Variants in SGCZ observed in about 807,000 individuals in gnomAD.
SGCZ encodes the protein zeta-sarcoglycan.
SGCZ carries 40 observed loss-of-function variants against 41.3 expected under a neutral mutation model. The ratio of observed to expected loss-of-function variants is 0.97; its 90% CI spans 0.75 to 1.26. The LOEUF is 1.26. Ranked by LOEUF, SGCZ falls within the 50% of genes most tolerant of loss-of-function variation. The pLI, the probability that SGCZ is intolerant of heterozygous loss-of-function variation, is 0.00. For synonymous variants in SGCZ, 206 were observed against 137.5 expected, an observed-to-expected ratio of 1.50 and a Z score of -3.49; for missense variants, 552 against 369.8, an observed-to-expected ratio of 1.49 and a Z score of -4.04.
chr8:14,594,356 C>A (rs571981535), intron 1 of SGCZ, among the ~76,000 whole-genome samples: 74 of 151,934 alleles, frequency 4.9e-4, no homozygotes, highest in Non-Finnish European at 8.5e-4. Context: ...TTAGGAAACA[C>A]TGATGTAGCA....
intron 3 of SGCZ, among the ~76,000 whole-genome samples, chr8:14,239,939 A>G (rs901455417): frequency 7.4e-6 from 1 of 134,564 alleles, no homozygotes. Context: ...AAAAAAAAGA[A>G]TTACTGCCTT....
intron 1 of SGCZ, among the ~76,000 whole-genome samples, chr8:14,668,487 A>G (rs1161909384): frequency 6.6e-6 from 1 of 152,206 alleles, no homozygotes; most frequent in African/African-American, 2.4e-5. Context: ...TCTAAATGAA[A>G]TTTAAAACCT....
intron 2 of SGCZ, among the ~76,000 whole-genome samples, chr8:14,415,022 G>T (rs544699532): frequency 6.6e-6 from 1 of 151,832 alleles, no homozygotes; most frequent in African/African-American, 2.4e-5. Context: ...TGAGGTGCTC[G>T]AAGATTTTAC....
intron 1 of SGCZ, among the ~76,000 whole-genome samples, chr8:14,803,661 C>A (rs1440622373): frequency 1.3e-5 from 2 of 151,300 alleles, no homozygotes; most frequent in Non-Finnish European, 1.5e-5. Context: ...GAGGGGCGCC[C>A]GCCATTGCCC....
chr8:14,098,746 G>C (rs1801921912), intron 7 of SGCZ, among the ~76,000 whole-genome samples: 1 of 152,120 alleles, frequency 6.6e-6, no homozygotes, highest in Non-Finnish European at 1.5e-5. Context: ...ATGGAGATGT[G>C]GAGAAGAGGG....
At chr8:14,603,069 G>C (rs916270416) in intron 1 of SGCZ, among the ~76,000 whole-genome samples, 1 of 152,142 alleles carries the variant, frequency 6.6e-6, no homozygotes, top group African/African-American at 2.4e-5. Flanking sequence ...TAGGGGACTT[G>C]ACATACGCCG....
intron 1 of SGCZ, among the ~76,000 whole-genome samples, chr8:14,712,344 T>A (rs1347967069): frequency 1.3e-5 from 2 of 152,196 alleles, no homozygotes; most frequent in Admixed American, 1.3e-4. Context: ...TGTAATTACT[T>A]TTAAAGACTG....
At chr8:14,789,603 T>A (rs1800883866) in intron 1 of SGCZ, among the ~76,000 whole-genome samples, 3 of 152,200 alleles carry the variant, frequency 2.0e-5, no homozygotes, top group African/African-American at 7.2e-5. Context: ...TCTTGTGGAG[T>A]CATGATTCTC....
At chr8:14,184,386 T>C (rs2117030870) in intron 4 of SGCZ, among the ~76,000 whole-genome samples, 1 of 152,340 alleles carries the variant, frequency 6.6e-6, no homozygotes, top group Non-Finnish European at 1.5e-5. Context: ...AAATGATTTT[T>C]AGTCTTATGT....
chr8:14,085,949 A>C lies in SGCZ; in HGVS notation c.*4494T>G, dbSNP rs1033656104. 6.6e-6 allele frequency among the ~76,000 whole-genome samples: 1 copy of C among 151,782 alleles called. No homozygotes were observed. The highest frequency in any genetic ancestry group is 6.6e-5 in the Admixed American group (1 of 15,174). ...GTCTTTGACATTTAAACAACTAATA[A>C]ATTTCAGTATAAAACAACATGAATA... On this transcript the variant is annotated 3_prime_UTR_variant, in exon 8 of 8. Transcript: ENST00000382080.
chr8:14,199,372 T>C (rs1236417106), intron 4 of SGCZ, among the ~76,000 whole-genome samples: 1 of 152,192 alleles, frequency 6.6e-6, no homozygotes, highest in Non-Finnish European at 1.5e-5. Flanking sequence ...TTCTGTCTCC[T>C]GATAAGATGT....
intron 1 of SGCZ, among the ~76,000 whole-genome samples, chr8:15,072,045 G>GT (rs1385131440): frequency 6.6e-6 from 1 of 152,064 alleles, no homozygotes; most frequent in Non-Finnish European, 1.5e-5. Context: ...AAGTCTGCTT[G>GT]TATCTTCTCG....
intron 2 of SGCZ, among the ~76,000 whole-genome samples, chr8:14,412,189 A>G (rs985671877): frequency 3.3e-5 from 5 of 152,110 alleles, no homozygotes; most frequent in Non-Finnish European, 7.4e-5. Context: ...TTAGTCTCAC[A>G]GACCGGAATG....
At chr8:14,634,165 A>G (rs1806751110) in intron 1 of SGCZ, among the ~76,000 whole-genome samples, 1 of 151,858 alleles carries the variant, frequency 6.6e-6, no homozygotes, top group African/African-American at 2.4e-5. Context: ...TTTGAATAAG[A>G]TTTTATTCTC....
chr8:14,380,035 A>T (rs1271123494), intron 2 of SGCZ, among the ~76,000 whole-genome samples: 1 of 152,122 alleles, frequency 6.6e-6, no homozygotes, highest in Admixed American at 6.6e-5. Context: ...CCCGGCCAAG[A>T]ATGTTGTTTT....
At chr8:15,227,738 G>C (rs111418032) in intron 1 of SGCZ, among the ~76,000 whole-genome samples, 1 of 152,154 alleles carries the variant, frequency 6.6e-6, no homozygotes, top group Non-Finnish European at 1.5e-5. Flanking sequence ...TGATGGCATT[G>C]CACATGTTGC....
chr8:14,464,024 T>C (rs1800977344), intron 2 of SGCZ, among the ~76,000 whole-genome samples: 1 of 151,644 alleles, frequency 6.6e-6, no homozygotes, highest in African/African-American at 2.4e-5. Flanking sequence ...ACTTTGCTAG[T>C]ATTTTGTTGT....
chr8:14,245,358 T>G (rs907812745), intron 3 of SGCZ, among the ~76,000 whole-genome samples: 2 of 152,160 alleles, frequency 1.3e-5, no homozygotes, highest in Non-Finnish European at 2.9e-5. Context: ...GATTCCCTAT[T>G]TAATAAATGG....
chr8:14,154,686 G>A (rs756094984), intron 5 of SGCZ, among the ~76,000 whole-genome samples: 18 of 152,198 alleles, frequency 1.2e-4, no homozygotes, highest in Admixed American at 7.2e-4. Context: ...GTTCTTTAGC[G>A]CTCCTTTTAT....
Sources: allele counts gnomAD v4.1 joint callset (sites outside exome capture counted in the v4.1 genomes callset), GRCh38; gene constraint gnomAD v4.1.1; transcripts MANE v1.5; gene names NCBI Gene and HGNC (gene_info 2026-07-23, HGNC 2026-07-21).